The following ANXA11 variants were observed in gnomAD, a reference collection of about 807,000 sequenced individuals.
ANXA11 encodes annexin A11, also known as 56 kDa autoantigen.
A neutral mutation model predicts 64.7 loss-of-function variants in ANXA11; 57 were observed. The observed-to-expected ratio is 0.88, with a 90% CI of 0.71 to 1.10. ANXA11 has a LOEUF of 1.10. ANXA11 is among the 50% of genes least tolerant of loss of function. The pLI is 0.00. For missense variants in ANXA11, 675 were observed against 670.7 expected (o/e 1.01, Z -0.07); for synonymous variants, 260 against 265.2 (o/e 0.98, Z 0.19).
intron 13 of ANXA11, among the ~76,000 whole-genome samples, chr10:80,158,670 C>T (rs78811239): frequency 0.018 from 2,762 of 152,268 alleles, 89 homozygotes; most frequent in African/African-American, 0.063. Flanking sequence ...CATCCTGGAG[C>T]CAAGCCAGCT....
chr10:80,188,867 C>G (rs756279356), intron 1 of ANXA11, among the ~76,000 whole-genome samples: 2 of 152,096 alleles, frequency 1.3e-5, no homozygotes, highest in Non-Finnish European at 2.9e-5. Context: ...ACTCAGGTGT[C>G]AGGCTCCCGC....
At chr10:80,174,102 TG>T (rs1382443266) in intron 2 of ANXA11, among the ~76,000 whole-genome samples, 1 of 152,208 alleles carries the variant, frequency 6.6e-6, no homozygotes, top group African/African-American at 2.4e-5. Flanking sequence ...TCACCCAGAC[TG>T]GAGTGCACTG....
At position 80,155,849 on chromosome 10, in the gene ANXA11, C is replaced by A. The variant is rs200104175; in HGVS notation, c.*4G>T. On this transcript the variant is annotated 3_prime_UTR_variant, in exon 16 of 16. Coordinates refer to ENST00000422982, the MANE Select transcript of ANXA11 (RefSeq NM_145868.2). ...GTGGGCAGAAGTGAGCCACCAGTCA[C>A]TGTTCAGTCATTGCCACCACAGATC... The A allele has an allele frequency of 1.3e-4, 212 of 1,614,148 alleles. No homozygotes were observed. The Middle Eastern group carries it at 1.5e-3, about 11-fold the overall frequency.
chr10:80,186,292 G>C (rs767233602), intron 1 of ANXA11, among the ~76,000 whole-genome samples: 1 of 152,094 alleles, frequency 6.6e-6, no homozygotes, highest in South Asian at 2.1e-4. Context: ...GGGACTGAAG[G>C]GGGAAGGAGG....
At chr10:80,186,236 A>G (rs940194376) in intron 1 of ANXA11, among the ~76,000 whole-genome samples, 1 of 151,966 alleles carries the variant, frequency 6.6e-6, no homozygotes, top group Non-Finnish European at 1.5e-5. Context: ...AAAATAAGAA[A>G]GAGAGGACCC....
At chr10:80,173,729 A>T (rs1428542352) in intron 2 of ANXA11, among the ~76,000 whole-genome samples, 2 of 152,228 alleles carry the variant, frequency 1.3e-5, no homozygotes, top group Non-Finnish European at 2.9e-5. Context: ...GTCTGCAGAG[A>T]CACCCAATGG....
At chr10:80,204,221 A>G (rs893560560) in intron 1 of ANXA11, among the ~76,000 whole-genome samples, 1 of 152,224 alleles carries the variant, frequency 6.6e-6, no homozygotes, top group Non-Finnish European at 1.5e-5. Context: ...AGGGCAACAA[A>G]CTGCCCTGGC....
At chr10:80,155,994 G>GCA in intron 15 of ANXA11, 82 bp from the exon 16 acceptor site, 1 of 1,420,828 alleles carries the variant, frequency 7.0e-7, no homozygotes, top group Non-Finnish European at 9.9e-7. Flanking sequence ...TCAGCCCTGA[G>GCA]CACCCTTATA....
rs762030128 is a variant in ANXA11 at position 80,162,021 on chromosome 10, T to A, written c.1094A>T (p.Tyr365Phe). The A allele has an allele frequency of 1.2e-6, 2 of 1,610,872 alleles. No homozygotes were observed. The highest frequency in any genetic ancestry group is 2.2e-5 in the South Asian group (2 of 91,062). The part of the protein sequence containing the change: ...SLAQRDAQEL[Y>F]AAGENRLGTD... Reference sequence around the variant, plus strand: ...TCCCAGGCGGTTCTCCCCGGCCGCATACAGCTCCTGGAGAGAGAGGAAGAC... The same window carrying A: ...TCCCAGGCGGTTCTCCCCGGCCGCAAACAGCTCCTGGAGAGAGAGGAAGAC... The change falls in exon 12 of 16, where the codon TAT (tyrosine) becomes TTT (phenylalanine). Residue 365 changes from tyrosine (Y) to phenylalanine (F), a missense_variant. Tyr to Phe is a conservative substitution (Grantham distance 22). Transcript: ENST00000422982.
chr10:80,205,681 T>A (rs1840650953), upstream of ANXA11: 1 of 152,068 alleles, frequency 6.6e-6, no homozygotes, highest in African/African-American at 2.4e-5. Flanking sequence ...CCAGGAAGTC[T>A]CGGGCTCCGG....
At chr10:80,166,240 A>C (rs761502421) in intron 7 of ANXA11, 43 bp from the exon 8 acceptor site, 1 of 1,242,606 alleles carries the variant, frequency 8.0e-7, no homozygotes, top group South Asian at 1.3e-5. Flanking sequence ...AAAAAAAACA[A>C]GTCTATTTAA....
chr10:80,191,984 C>T (rs773462079), intron 1 of ANXA11, among the ~76,000 whole-genome samples: 2 of 152,174 alleles, frequency 1.3e-5, no homozygotes, highest in African/African-American at 2.4e-5. Context: ...GGTGCTGAAT[C>T]CCCCACTCCC....
chr10:80,158,107 T>C lies in ANXA11; in HGVS notation c.1277-82A>G, dbSNP rs1197737858. On this transcript the variant is annotated intron_variant, in intron 13 of 15. Coordinates refer to ENST00000422982, the MANE Select transcript of ANXA11 (RefSeq NM_145868.2). ...GGCATGGAGTCTACAAGTGTCCTCTTAGAGGCCCAGATGTCAAACCCATCA... is the reference window on the plus strand; with the variant it reads ...GGCATGGAGTCTACAAGTGTCCTCTCAGAGGCCCAGATGTCAAACCCATCA... 4 of 1,322,906 alleles carry C rather than the reference T, an allele frequency of 3.0e-6. No individual in the cohort carries two copies. The African/African-American group carries it at 5.8e-5, about 19-fold the overall frequency. The allele number at this position is 1,322,906 out of a possible 1,614,324, so 81.9% of individuals were successfully genotyped here. A position where few individuals can be genotyped will look rare whatever the true frequency, so the allele number is the denominator to read the frequency against.
chr10:80,196,476 G>C (rs564945650), intron 1 of ANXA11, among the ~76,000 whole-genome samples: 1 of 152,132 alleles, frequency 6.6e-6, no homozygotes, highest in Non-Finnish European at 1.5e-5. Flanking sequence ...CCTCTATTAC[G>C]TAGGCCCCAG....
chr10:80,175,905 T>C (rs908975325), intron 2 of ANXA11, among the ~76,000 whole-genome samples: 3 of 151,988 alleles, frequency 2.0e-5, no homozygotes, highest in Non-Finnish European at 4.4e-5. Context: ...AATACAAAAA[T>C]TAGCCAGGCG....
chr10:80,160,888 C>G (rs903278918), intron 12 of ANXA11, among the ~76,000 whole-genome samples: 12 of 152,094 alleles, frequency 7.9e-5, no homozygotes, highest in Non-Finnish European at 1.6e-4. Flanking sequence ...CTAAAGAAAC[C>G]CTGTATAATC....
At chr10:80,179,268 AG>A (rs921551620) in intron 1 of ANXA11, among the ~76,000 whole-genome samples, 2 of 152,098 alleles carry the variant, frequency 1.3e-5, no homozygotes, top group African/African-American at 4.8e-5. Flanking sequence ...AAGTTTCCTG[AG>A]GCCTCCCCAA....
In ANXA11 at chr10:80,153,840, C is replaced by T. The variant is rs1044500727; in HGVS notation, c.*2013G>A. ...TCTTCCTTTATGTTTAGGGGGTAGT[C>T]CTCAAGCAAATGTCTGCAGATGAGC... is the stretch of plus-strand genomic sequence containing the variant. On this transcript the variant is annotated 3_prime_UTR_variant, in exon 16 of 16. Transcript: ENST00000422982. The T allele has an allele frequency of 6.6e-6, 1 of 152,246 alleles. No individual in the cohort carries two copies. Among genetic ancestry groups the T allele is most frequent in the Non-Finnish European group, 1.5e-5 (1 of 68,078 alleles). The allele number at this position is 152,246 out of a possible 1,614,324, so 9.4% of individuals were successfully genotyped here.
intron 1 of ANXA11, among the ~76,000 whole-genome samples, chr10:80,202,064 C>A (rs574693662): frequency 6.6e-6 from 1 of 152,216 alleles, no homozygotes; most frequent in East Asian, 1.9e-4. Flanking sequence ...CTTCACAGCT[C>A]CTGGCAGTCA....
Sources: gnomAD v4.1 joint callset for allele counts (sites outside exome capture counted in the v4.1 genomes callset) on GRCh38, gnomAD v4.1.1 for gene constraint, MANE v1.5 for transcripts, NCBI Gene and HGNC (gene_info 2026-07-23, HGNC 2026-07-21) for gene names.